Variants in NOS1 observed in about 807,000 individuals in gnomAD.
NOS1 encodes NOS type I.
In NOS1, 51 loss-of-function variants were observed where a neutral mutation model predicts 164.5. The ratio of observed to expected loss-of-function variants is 0.31; its 90% CI spans 0.25 to 0.39. NOS1 has a LOEUF of 0.39. NOS1 is among the 10% of genes least tolerant of loss of function. The pLI is 1.00. For synonymous variants in NOS1, 719 were observed against 745.8 expected (o/e 0.96, Z 0.59); for missense variants, 1,362 against 1,885.6 (o/e 0.72, Z 5.14).
At position 117,209,585 on chromosome 12, in the gene NOS1, C is replaced by T. The variant is rs1029443207; in HGVS notation, c.*5724G>A. 3.0e-6 allele frequency: 3 copies of T among 985,364 alleles called. No individual in the cohort carries two copies. Among genetic ancestry groups the T allele is most frequent in the Admixed American group, 6.1e-5 (1 of 16,270 alleles). The allele number at this position is 985,364 out of a possible 1,614,324, so 61.0% of individuals were successfully genotyped here. ...CCAGACGGGCATAGCCCCGCTTGAC[C>T]AGAACTGTTTGGGTATTTTAGAACA... On this transcript the variant is annotated 3_prime_UTR_variant, in exon 29 of 29. Coordinates refer to ENST00000317775, the MANE Select transcript of NOS1 (RefSeq NM_000620.5).
Position 117,299,073 on chromosome 12 carries a change from G to T in NOS1, c.853-8647C>A, listed in dbSNP as rs141683808. ...CCATGGGCCAGACGCCACACACTGT[G>T]CCCTTTGCTGCAGCCCTGGGCGGCA... On this transcript the variant is annotated intron_variant, in intron 3 of 28. Transcript: ENST00000317775. 7.6e-4 allele frequency among the ~76,000 whole-genome samples: 116 copies of T among 152,306 alleles called. 1 individual carries two copies. In the East Asian group the frequency reaches 0.021, roughly 28 times the overall value.
At chr12:117,235,749 A>C (rs574376036) in intron 20 of NOS1, among the ~76,000 whole-genome samples, 2 of 152,338 alleles carry the variant, frequency 1.3e-5, no homozygotes, top group East Asian at 3.9e-4. Flanking sequence ...TCCTTTAAAA[A>C]GTTTCAGTAC....
chr12:117,276,267 G>T (rs1409278530), intron 9 of NOS1, among the ~76,000 whole-genome samples: 1 of 151,998 alleles, frequency 6.6e-6, no homozygotes, highest in Non-Finnish European at 1.5e-5. Flanking sequence ...TCAAATAATA[G>T]GTTGTATTCA....
intron 2 of NOS1, among the ~76,000 whole-genome samples, chr12:117,317,545 C>T (rs1441024941): frequency 1.3e-5 from 2 of 151,448 alleles, no homozygotes; most frequent in Admixed American, 6.6e-5. Context: ...AAATTGTACT[C>T]CTAACCATTG....
intron 3 of NOS1, among the ~76,000 whole-genome samples, chr12:117,302,459 T>G (rs1450188218): frequency 6.6e-6 from 1 of 151,724 alleles, no homozygotes; most frequent in East Asian, 2.0e-4. Flanking sequence ...CCGGGTGAGG[T>G]GGCGGGCGCC....
intron 20 of NOS1, among the ~76,000 whole-genome samples, chr12:117,239,043 G>A (rs1419497851): frequency 6.6e-6 from 1 of 152,186 alleles, no homozygotes; most frequent in Non-Finnish European, 1.5e-5. Flanking sequence ...GAAAGACAAG[G>A]CCAAGGGCAT....
In NOS1 at chr12:117,272,831, T is replaced by A. The variant is rs1872893131; in HGVS notation, c.1665-272A>T. Among the ~76,000 whole-genome samples, 1 of 152,204 alleles carries A rather than the reference T, an allele frequency of 6.6e-6. No homozygotes were observed. Among genetic ancestry groups the A allele is most frequent in the South Asian group, 2.1e-4 (1 of 4,824 alleles). On this transcript the variant is annotated intron_variant, in intron 9 of 28. Transcript: ENST00000317775. The surrounding 1 kb of genome is among the most constrained non-coding windows in gnomAD (Gnocchi z 4.3). ...TGCTGTTTCTCTCTCAAACCCACCCTGAAAGTGAGTCCAGGAGAAAGTGTG... is the reference window on the plus strand; with the variant it reads ...TGCTGTTTCTCTCTCAAACCCACCCAGAAAGTGAGTCCAGGAGAAAGTGTG...
intron 1 of NOS1, among the ~76,000 whole-genome samples, chr12:117,337,197 G>A (rs1365029379): frequency 7.4e-6 from 1 of 134,568 alleles, no homozygotes; most frequent in African/African-American, 2.8e-5. Context: ...CTCACCGCAA[G>A]CTCTGCCTCC....
In NOS1 at chr12:117,260,706, T is replaced by C. The variant is rs1172340395; in HGVS notation, c.2223-97A>G. 8 of 1,341,004 alleles carry C rather than the reference T, an allele frequency of 6.0e-6. No individual in the cohort carries two copies. In the African/African-American group the frequency reaches 1.2e-4, roughly 19 times the overall value. 83.1% of individuals were successfully genotyped at this position (1,341,004 alleles called of 1,614,324 possible). ...CGTGCAAGAACCAGGATCCATGAAA[T>C]ATAACAGAAGAGAACTCTCTTGATC... is the stretch of plus-strand genomic sequence containing the variant. On this transcript the variant is annotated intron_variant, in intron 13 of 28. Coordinates refer to ENST00000317775, the MANE Select transcript of NOS1 (RefSeq NM_000620.5).
At position 117,209,637 on chromosome 12, in the gene NOS1, G is replaced by T. The variant is rs893486264; in HGVS notation, c.*5672C>A. The T allele has an allele frequency of 5.1e-6, 5 of 985,318 alleles. No individual in the cohort carries two copies. The highest frequency in any genetic ancestry group is 6.0e-6 in the Non-Finnish European group (5 of 829,948). 61.0% of individuals were successfully genotyped at this position (985,318 alleles called of 1,614,324 possible). On this transcript the variant is annotated 3_prime_UTR_variant, in exon 29 of 29. Transcript: ENST00000317775. ...AACAAACTCATATAAACATACTAAGGCATATTGACAGCTGACCACCTCCCT... is the reference window on the plus strand; with the variant it reads ...AACAAACTCATATAAACATACTAAGTCATATTGACAGCTGACCACCTCCCT...
chr12:117,325,992 A>G (rs1205192512), intron 2 of NOS1, among the ~76,000 whole-genome samples: 1 of 152,238 alleles, frequency 6.6e-6, no homozygotes, highest in African/African-American at 2.4e-5. Context: ...AGCACTTCTA[A>G]CTGGATCCAT....
Position 117,234,351 on chromosome 12 carries a change from T to C in NOS1, c.3235+214A>G, listed in dbSNP as rs1869521385. 6.6e-6 allele frequency among the ~76,000 whole-genome samples: 1 copy of C among 152,198 alleles called. No individual in the cohort carries two copies. The highest frequency in any genetic ancestry group is 2.4e-5 in the African/African-American group (1 of 41,464). On this transcript the variant is annotated intron_variant, in intron 21 of 28. Coordinates refer to ENST00000317775, the MANE Select transcript of NOS1 (RefSeq NM_000620.5). The surrounding 1 kb of genome is among the most constrained non-coding windows in gnomAD (Gnocchi z 4.3). ...CCTTTTTTCAATGGTGAGCCATCAA[T>C]GGCCTGGCACTATGTGCATTTATTT...
intron 1 of NOS1, among the ~76,000 whole-genome samples, chr12:117,342,563 G>A (rs1363543030): frequency 6.6e-6 from 1 of 152,116 alleles, no homozygotes; most frequent in African/African-American, 2.4e-5. Flanking sequence ...TGGGGTGACA[G>A]AAGAAAGCCA....
intron 13 of NOS1, among the ~76,000 whole-genome samples, chr12:117,262,718 AAGTT>A (rs777348148): frequency 3.9e-5 from 6 of 152,076 alleles, no homozygotes; most frequent in African/African-American, 1.2e-4. Flanking sequence ...TTCTGACAAA[AAGTT>A]AGCTCCAAAC....
rs1350731514 is a variant in NOS1, at chr12:117,209,981, A to AT, written c.*5327dup. On this transcript the variant is annotated 3_prime_UTR_variant, in exon 29 of 29. Transcript: ENST00000317775. ...TCCCAGCACCTGGTCTTTCATTTTA[A>AT]TTTTTTTTAGAGACAGGGTCTTGCT... The AT allele has an allele frequency of 3.6e-5, 35 of 984,334 alleles. No individual in the cohort carries two copies. The highest frequency in any genetic ancestry group is 5.2e-4 in the Middle Eastern group (1 of 1,932). The allele number at this position is 984,334 out of a possible 1,614,324, so 61.0% of individuals were successfully genotyped here. A position where few individuals can be genotyped will look rare whatever the true frequency, so the allele number is the denominator to read the frequency against.
At chr12:117,260,134 C>G (rs867701546) in intron 14 of NOS1, among the ~76,000 whole-genome samples, 3 of 131,938 alleles carry the variant, frequency 2.3e-5, no homozygotes, top group African/African-American at 1.0e-4. Flanking sequence ...AAAAAAAAAA[C>G]AAAAAACAAA....
chr12:117,273,167 C>G (rs1201878565), intron 9 of NOS1, among the ~76,000 whole-genome samples: 1 of 152,140 alleles, frequency 6.6e-6, no homozygotes, highest in Non-Finnish European at 1.5e-5. Context: ...CTTTGCAGCA[C>G]TTTATTAAAA....
Position 117,280,832 on chromosome 12 carries a change from C to T in NOS1, c.1417G>A (p.Gly473Ser), listed in dbSNP as rs371044828. 64 of 1,613,992 alleles carry T rather than the reference C, an allele frequency of 4.0e-5. No homozygotes were observed. The highest frequency in any genetic ancestry group is 4.8e-5 in the Non-Finnish European group (57 of 1,180,034). The change falls in exon 8 of 29, where the codon GGC becomes AGC. Residue 473 changes from glycine (G) to serine (S), a missense_variant. Gly to Ser is a moderately conservative substitution (Grantham distance 56, BLOSUM62 0). Coordinates refer to ENST00000317775, the MANE Select transcript of NOS1 (RefSeq NM_000620.5). ...TTCCAGACTCGGAAGTCGTGCTTGC[C>T]GTCTGTCCTCTGGGGGAATATGGTG... ...AITIFPQRTD[G>S]KHDFRVWNSQ...
At chr12:117,262,493 G>GAA (rs1158767245) in intron 13 of NOS1, among the ~76,000 whole-genome samples, 1 of 145,776 alleles carries the variant, frequency 6.9e-6, no homozygotes, top group African/African-American at 2.7e-5. Context: ...GAGGGGGAGA[G>GAA]AGAGAGAGAG....
Sources: gnomAD v4.1 joint callset for allele counts (sites outside exome capture counted in the v4.1 genomes callset) on GRCh38, gnomAD v4.1.1 for gene constraint, Gnocchi (gnomAD v3.1) non-coding constraint, MANE v1.5 for transcripts, NCBI Gene and HGNC (gene_info 2026-07-23, HGNC 2026-07-21) for gene names.